PRH1: variants seen among roughly 807,000 people sequenced by gnomAD.
The protein encoded by PRH1 is proline rich protein HaeIII subfamily 1, also known as salivary acidic proline-rich phosphoprotein 1/2.
In PRH1, 7 loss-of-function variants were observed where a neutral mutation model predicts 7.9. The observed-to-expected ratio is 0.89, with a 90% confidence interval of 0.50 to 1.67. The LOEUF is 1.67. Among genes scored for constraint, PRH1 ranks in the 40% most tolerant of loss-of-function variants. PRH1 has a pLI of 0.00. For synonymous variants in PRH1, 45 were observed against 80.8 expected (o/e 0.56, Z 2.38); for missense variants, 109 against 223.6 (o/e 0.49, Z 3.27).
chr12:10,944,645 A>G (rs774643439), intron 2 of PRH1, among the ~76,000 whole-genome samples: 4 of 152,204 alleles, frequency 2.6e-5, no homozygotes, highest in African/African-American at 4.8e-5. Context: ...CTGGTTTTCA[A>G]GAGGAATGCT....
At chr12:10,985,835 A>G in intron 1 of PRH1, 1 of 1,085,020 alleles carries the variant, frequency 9.2e-7, no homozygotes, top group Non-Finnish European at 1.3e-6. Context: ...ACTCAAAAAC[A>G]TACACTACAG....
intron 1 of PRH1, among the ~76,000 whole-genome samples, chr12:11,146,267 G>A (rs1179658274): frequency 8.6e-6 from 1 of 116,752 alleles, no homozygotes; most frequent in Non-Finnish European, 2.0e-5. Context: ...ATTCTTCTAG[G>A]TAGTTTTTTT....
chr12:10,894,291 G>A (rs1441915148), intron 2 of PRH1, among the ~76,000 whole-genome samples: 2 of 152,080 alleles, frequency 1.3e-5, no homozygotes, highest in East Asian at 3.8e-4. Flanking sequence ...CAAGTCTGTT[G>A]TAGATGGTCA....
At chr12:11,017,960 T>C (rs1234715869) in intron 1 of PRH1, among the ~76,000 whole-genome samples, 8 of 152,238 alleles carry the variant, frequency 5.3e-5, no homozygotes, top group East Asian at 1.9e-4. Flanking sequence ...TCAGTTAACC[T>C]ACCTAGCCTC....
chr12:10,907,345 A>C (rs1339656445), intron 2 of PRH1, among the ~76,000 whole-genome samples: 9 of 152,176 alleles, frequency 5.9e-5, no homozygotes, highest in African/African-American at 2.2e-4. Flanking sequence ...AACCATTTGA[A>C]TGTTCATTAA....
At chr12:11,159,154 G>A (rs775969724) in intron 1 of PRH1, 3 of 151,956 alleles carry the variant, frequency 2.0e-5, no homozygotes, top group Non-Finnish European at 4.4e-5. Context: ...AGGGAATAAC[G>A]TATGTCAAGC....
chr12:10,945,853 C>T (rs1350562887), intron 2 of PRH1, among the ~76,000 whole-genome samples: 1 of 152,208 alleles, frequency 6.6e-6, no homozygotes, highest in African/African-American at 2.4e-5. Context: ...TTCTCTTTCT[C>T]AGGGATGTTC....
intron 2 of PRH1, among the ~76,000 whole-genome samples, chr12:10,928,698 C>T (rs1289876309): frequency 6.6e-6 from 1 of 152,176 alleles, no homozygotes; most frequent in African/African-American, 2.4e-5. Context: ...GTGTGCTGTC[C>T]TCACACAACT....
chr12:11,061,271 A>G (rs1943587752), intron 1 of PRH1: 2 of 1,506,832 alleles, frequency 1.3e-6, no homozygotes, highest in South Asian at 2.7e-5. Flanking sequence ...TTATTCATAT[A>G]CATACATTAC....
intron 2 of PRH1, among the ~76,000 whole-genome samples, chr12:10,961,092 G>C (rs1173590200): frequency 1.3e-5 from 2 of 152,196 alleles, no homozygotes; most frequent in African/African-American, 4.8e-5. Context: ...CGTTGTGCCA[G>C]ATGATCCAGC....
At chr12:11,001,562 G>A (rs12320640) in intron 1 of PRH1, among the ~76,000 whole-genome samples, 32,018 of 152,048 alleles carry the variant, frequency 0.21, 3,974 homozygotes, top group Non-Finnish European at 0.27. Flanking sequence ...CAAAACTTCA[G>A]CACAACTCTG....
intron 2 of PRH1, among the ~76,000 whole-genome samples, chr12:10,907,618 G>T (rs567863202): frequency 1.3e-5 from 2 of 152,014 alleles, no homozygotes; most frequent in East Asian, 3.9e-4. Flanking sequence ...GTTACCAAAA[G>T]CAGATAAGTA....
intron 1 of PRH1, among the ~76,000 whole-genome samples, chr12:11,064,261 AG>A (rs1186121801): frequency 3.3e-5 from 5 of 152,152 alleles, no homozygotes; most frequent in Non-Finnish European, 7.4e-5. Context: ...CACTGCGTGT[AG>A]GTGCAATCCT....
intron 2 of PRH1, among the ~76,000 whole-genome samples, chr12:10,963,352 A>C (rs1423599682): frequency 6.6e-6 from 1 of 152,200 alleles, no homozygotes; most frequent in Non-Finnish European, 1.5e-5. Flanking sequence ...TCCTATCATC[A>C]ATACATAGAT....
At chr12:11,001,050 T>C (rs1408324008) in intron 1 of PRH1, among the ~76,000 whole-genome samples, 10 of 152,122 alleles carry the variant, frequency 6.6e-5, no homozygotes, top group East Asian at 1.9e-4. Context: ...TGCTAACAAT[T>C]TTCTTCTTTT....
intron 1 of PRH1, among the ~76,000 whole-genome samples, chr12:11,028,114 A>T (rs1390112522): frequency 6.6e-6 from 1 of 152,124 alleles, no homozygotes; most frequent in East Asian, 1.9e-4. Flanking sequence ...TCATCCTTCT[A>T]TTTGGGACTT....
intron 1 of PRH1, among the ~76,000 whole-genome samples, chr12:11,041,287 C>T (rs1436784333): frequency 1.6e-5 from 1 of 61,624 alleles, no homozygotes; most frequent in African/African-American, 8.9e-5. Flanking sequence ...TCAATGCAAA[C>T]CAAAAAAAAA....
chr12:10,948,502 G>A (rs1279300122), intron 2 of PRH1, among the ~76,000 whole-genome samples: 1 of 152,002 alleles, frequency 6.6e-6, no homozygotes, highest in Non-Finnish European at 1.5e-5. Flanking sequence ...TTCTAATACT[G>A]GTTATTTCAT....
chr12:11,134,505 T>C, intron 1 of PRH1: 1 of 444,562 alleles, frequency 2.2e-6, no homozygotes, highest in Non-Finnish European at 3.9e-6. Context: ...CATCTGTTCT[T>C]GTTATAGGCT....
Sources: gnomAD v4.1 joint callset for allele counts (sites outside exome capture counted in the v4.1 genomes callset) on GRCh38, gnomAD v4.1.1 for gene constraint, MANE v1.5 for transcripts, NCBI Gene and HGNC (gene_info 2026-07-23, HGNC 2026-07-21) for gene names.